Variants in ERC2 observed in about 807,000 individuals in gnomAD.
ERC2 encodes ELKS/RAB6-interacting/CAST family member 2, also known as ERC protein 2.
Under a neutral mutation model 114.8 loss-of-function variants are expected in ERC2, and 42 were observed. That is an observed-to-expected ratio of 0.37 (90% CI 0.29 to 0.47). The LOEUF is 0.47. Among genes scored for constraint, ERC2 ranks in the 20% least tolerant of loss-of-function variants. The pLI is 0.99. For missense variants in ERC2, 939 were observed against 1,150.7 expected, an observed-to-expected ratio of 0.82 and a Z score of 2.66; for synonymous variants, 454 against 425.5, an observed-to-expected ratio of 1.07 and a Z score of -0.82.
intron 3 of ERC2, among the ~76,000 whole-genome samples, chr3:56,227,056 A>G (rs1330829404): frequency 6.6e-6 from 1 of 152,088 alleles, no homozygotes. Context: ...CCACATTCTC[A>G]TCAGCTCTCC....
intron 14 of ERC2, among the ~76,000 whole-genome samples, chr3:55,864,437 T>C (rs1283967426): frequency 3.9e-5 from 6 of 151,938 alleles, no homozygotes; most frequent in Admixed American, 3.3e-4. Flanking sequence ...ACTAGGCATA[T>C]AGTGGATCTT....
Position 56,434,453 on chromosome 3 carries a change from G to A in ERC2, c.555C>T (p.Phe185=), listed in dbSNP as rs750886323. 3 of 1,613,894 alleles carry A rather than the reference G, an allele frequency of 1.9e-6. No homozygotes were observed. In the South Asian group the frequency reaches 3.3e-5, roughly 18 times the overall value. Residue 185 remains phenylalanine, a synonymous_variant, in exon 2 of 18, where the codon TTC becomes TTT. Transcript: ENST00000288221. ...TCTCCTTCTTAAGCTCAGGACTCCA[G>A]AAAGTCTTAATACTGTTCATGGAAG... ...LGSSMNSIKT[F]WSPELKKERV...
intron 17 of ERC2, among the ~76,000 whole-genome samples, chr3:55,621,972 A>G (rs1383313189): frequency 6.6e-6 from 1 of 152,142 alleles, no homozygotes; most frequent in Non-Finnish European, 1.5e-5. Context: ...GACATAAGCT[A>G]TTTCCTTTCT....
chr3:56,164,268 CT>C (rs1346578941), intron 4 of ERC2, among the ~76,000 whole-genome samples: 1 of 151,982 alleles, frequency 6.6e-6, no homozygotes, highest in African/African-American at 2.4e-5. Flanking sequence ...CTCCTTCCCC[CT>C]AGCTCCTGGC....
chr3:56,357,422 C>T (rs1338698396), intron 2 of ERC2, among the ~76,000 whole-genome samples: 1 of 152,198 alleles, frequency 6.6e-6, no homozygotes, highest in Non-Finnish European at 1.5e-5. Context: ...GGAACTTGAT[C>T]CCAGGCAGTC....
At chr3:56,447,740 C>T (rs189492489) in intron 1 of ERC2, among the ~76,000 whole-genome samples, 12 of 151,660 alleles carry the variant, frequency 7.9e-5, no homozygotes, top group African/African-American at 2.7e-4. Flanking sequence ...TAATTGCACA[C>T]GTTAATTGAT....
intron 13 of ERC2, among the ~76,000 whole-genome samples, chr3:55,937,559 C>T (rs986997473): frequency 6.6e-6 from 1 of 152,114 alleles, no homozygotes; most frequent in Admixed American, 6.5e-5. Flanking sequence ...GGGAAGGCTG[C>T]ACCAGATGAT....
At chr3:56,082,831 T>C (rs2077308192) in intron 6 of ERC2, among the ~76,000 whole-genome samples, 1 of 152,114 alleles carries the variant, frequency 6.6e-6, no homozygotes. Context: ...CTCCACCTCC[T>C]GCCAGATCAG....
chr3:56,232,134 CT>C lies in ERC2; in HGVS notation c.1075-58615del, dbSNP rs1201613428. Among the ~76,000 whole-genome samples, 968 of 128,088 alleles carry C rather than the reference CT, an allele frequency of 7.6e-3. 6 individuals are homozygous for C. Among genetic ancestry groups the C allele is most frequent in the Middle Eastern group, 0.025 (6 of 242 alleles). The allele number at this position is 128,088 out of a possible 152,430, so 84.0% of individuals were successfully genotyped here. A position where few individuals can be genotyped will look rare whatever the true frequency, so the allele number is the denominator to read the frequency against. On this transcript the variant is annotated intron_variant, in intron 3 of 17. Coordinates refer to ENST00000288221, the MANE Select transcript of ERC2 (RefSeq NM_015576.3). ...TACAGGCATGCACCACCACTCCTGG[CT>C]TTTTTTTTTTTTTTTTTGACAGAGC...
At chr3:56,059,978 G>C (rs1310192062) in intron 7 of ERC2, among the ~76,000 whole-genome samples, 2 of 152,172 alleles carry the variant, frequency 1.3e-5, no homozygotes, top group African/African-American at 2.4e-5. Context: ...CTACAAATGT[G>C]TCTGTTCTCT....
chr3:55,926,065 A>G (rs2065730149), intron 13 of ERC2, among the ~76,000 whole-genome samples: 1 of 152,208 alleles, frequency 6.6e-6, no homozygotes, highest in Non-Finnish European at 1.5e-5. Context: ...GCACCCATTT[A>G]CTATTTAGGT....
chr3:55,543,849 C>G (rs567561309), intron 17 of ERC2, among the ~76,000 whole-genome samples: 15 of 152,286 alleles, frequency 9.8e-5, no homozygotes, highest in African/African-American at 3.6e-4. Context: ...TGGCCACTCT[C>G]CCACTCTCTC....
chr3:56,454,816 G>A (rs113835400), intron 1 of ERC2, among the ~76,000 whole-genome samples: 2,672 of 134,230 alleles, frequency 0.02, 36 homozygotes, highest in Middle Eastern at 0.059. Flanking sequence ...CCAAGACTCT[G>A]TCACTGCACT....
intron 14 of ERC2, among the ~76,000 whole-genome samples, chr3:55,864,166 T>C (rs200738648): frequency 1.7e-5 from 2 of 115,512 alleles, no homozygotes; most frequent in South Asian, 3.0e-4. Flanking sequence ...CACATATATA[T>C]ACACATATAT....
At chr3:56,299,135 G>T (rs1292656716) in intron 2 of ERC2, among the ~76,000 whole-genome samples, 2,195 of 64,478 alleles carry the variant, frequency 0.034, 28 homozygotes, top group African/African-American at 0.072. Flanking sequence ...TTTTTTGTTT[G>T]TTTGTTTTTT....
At chr3:56,072,736 C>T (rs921428193) in intron 7 of ERC2, among the ~76,000 whole-genome samples, 9 of 152,068 alleles carry the variant, frequency 5.9e-5, no homozygotes, top group Non-Finnish European at 1.0e-4. Flanking sequence ...GAAAAAAAGT[C>T]ATATTAAAGG....
At chr3:55,836,941 G>A (rs189716795) in intron 14 of ERC2, among the ~76,000 whole-genome samples, 31 of 152,206 alleles carry the variant, frequency 2.0e-4, no homozygotes, top group Admixed American at 3.3e-4. Context: ...AAAAGTGGGC[G>A]AAGGATATGA....
chr3:56,242,728 TA>T (rs1560446141), intron 3 of ERC2, among the ~76,000 whole-genome samples: 1 of 151,290 alleles, frequency 6.6e-6, no homozygotes, highest in African/African-American at 2.4e-5. Context: ...AAGGAGGAAT[TA>T]AAAAAAAGAA....
intron 17 of ERC2, among the ~76,000 whole-genome samples, chr3:55,531,028 G>A (rs182940725): frequency 3.9e-5 from 6 of 152,222 alleles, no homozygotes; most frequent in African/African-American, 1.4e-4. Context: ...TTTTGGAGTC[G>A]ATCCCTTCTC....
Sources: allele counts gnomAD v4.1 joint callset (sites outside exome capture counted in the v4.1 genomes callset), GRCh38; gene constraint gnomAD v4.1.1; transcripts MANE v1.5; gene names NCBI Gene and HGNC (gene_info 2026-07-23, HGNC 2026-07-21).